The following DAZAP2 variants were observed in gnomAD, a reference collection of about 807,000 sequenced individuals.
DAZAP2 encodes the protein DAZ associated protein 2.
In DAZAP2, 3 loss-of-function variants were observed where a neutral mutation model predicts 16.2. The observed-to-expected ratio is 0.19, with a 90% CI of 0.08 to 0.48. The LOEUF (loss-of-function observed/expected upper bound fraction) is 0.48, where lower values mean the gene tolerates loss of function less well. Ranked by LOEUF, DAZAP2 falls within the 20% of genes least tolerant of loss-of-function variation. The pLI, the probability that DAZAP2 is intolerant of heterozygous loss-of-function variation, is 0.98. For missense variants in DAZAP2, 172 were observed against 215.9 expected (o/e 0.80, Z 1.27); for synonymous variants, 69 against 77.6 (o/e 0.89, Z 0.58).
rs781468910 is a variant in DAZAP2 at position 51,240,406 on chromosome 12, C to T, written c.77C>T (p.Thr26Ile). The T allele has an allele frequency of 6.2e-7, 1 of 1,614,140 alleles. No individual in the cohort carries two copies. The highest frequency in any genetic ancestry group is 1.7e-5 in the Admixed American group (1 of 60,012). The change falls in exon 2 of 4, where the codon ACC becomes ATC. Residue 26 changes from threonine (T) to isoleucine (I), a missense_variant. Coordinates refer to ENST00000412716, the MANE Select transcript of DAZAP2 (RefSeq NM_014764.4). ...CCTGGGAATCCAGTATACCCTCAGA[C>T]CTTGCATCTTCCTCAGGCTCCACCC... is the stretch of plus-strand genomic sequence containing the variant. ...QPPGNPVYPQ[T>I]LHLPQAPPYT...
chr12:51,240,127 G>A, intron 1 of DAZAP2: 1 of 566,742 alleles, frequency 1.8e-6, no homozygotes, highest in African/African-American at 1.9e-5. Flanking sequence ...GGAGCAGTGA[G>A]CAGTGCCTTT....
At chr12:51,244,268 C>T (rs139470954), downstream of DAZAP2, among the ~76,000 whole-genome samples, 1 of 152,284 alleles carries the variant, frequency 6.6e-6, no homozygotes, top group East Asian at 1.9e-4. Context: ...GCAGTGTCTG[C>T]TCACTGCAAC....
chr12:51,246,639 T>TGTG, downstream of DAZAP2: 16 of 626,218 alleles, frequency 2.6e-5, no homozygotes. Context: ...TGTGTGTGTG[T>TGTG]AATATAACTT....
chr12:51,242,641 G>A lies in DAZAP2; in HGVS notation c.*183G>A. 1.3e-6 allele frequency: 2 copies of A among 1,553,414 alleles called. No homozygotes were observed. Among genetic ancestry groups the A allele is most frequent in the South Asian group, 1.2e-5 (1 of 85,098 alleles). On this transcript the variant is annotated 3_prime_UTR_variant, in exon 4 of 4. Coordinates refer to ENST00000412716, the MANE Select transcript of DAZAP2 (RefSeq NM_014764.4). ...AATAAGGAACCATGTAATGGTAGCA[G>A]TACCTCCCTAAAGCATTTTGAGGTA...
intron 1 of DAZAP2, 49 bp downstream of exon 1, chr12:51,238,969 A>C: frequency 6.2e-7 from 1 of 1,608,208 alleles, no homozygotes; most frequent in Non-Finnish European, 8.5e-7. Flanking sequence ...CTGCTGGCCC[A>C]GAGCGAGCGG....
At chr12:51,245,708 C>G, downstream of DAZAP2, 1 of 477,502 alleles carries the variant, frequency 2.1e-6, no homozygotes, top group Non-Finnish European at 3.8e-6. Context: ...TGGCCAGTCA[C>G]AAACACCAGC....
At chr12:51,244,563 A>C (rs1271864780), downstream of DAZAP2, 3 of 152,228 alleles carry the variant, frequency 2.0e-5, no homozygotes, top group Non-Finnish European at 2.9e-5. Context: ...ATACATTAAG[A>C]CTTCAAAGGA....
In DAZAP2 at chr12:51,243,856, C is replaced by A. The variant is rs184668320; in HGVS notation, c.*1398C>A. On this transcript the variant is annotated 3_prime_UTR_variant, in exon 4 of 4. Coordinates refer to ENST00000412716, the MANE Select transcript of DAZAP2 (RefSeq NM_014764.4). ...TATATATATTTTATTTATATCCCAT[C>A]TAGAATTCAGCTAGGTGCTGCTGCT... 5 of 985,370 alleles carry A rather than the reference C, an allele frequency of 5.1e-6. No individual in the cohort carries two copies. The East Asian group carries it at 5.7e-4, about 112-fold the overall frequency. The allele number at this position is 985,370 out of a possible 1,614,324, so 61.0% of individuals were successfully genotyped here. A position where few individuals can be genotyped will look rare whatever the true frequency, so the allele number is the denominator to read the frequency against.
Position 51,240,884 on chromosome 12 carries a change from G to C in DAZAP2, c.146G>C (p.Ser49Thr), listed in dbSNP as rs779294767. 26 of 1,613,854 alleles carry C rather than the reference G, an allele frequency of 1.6e-5. No individual in the cohort carries two copies. The South Asian group carries it at 2.3e-4, about 14-fold the overall frequency. The stretch of plus-strand genomic sequence containing the variant: ...TGCCTCTTCTAGCTCTATCGTCCGA[G>C]CTTTGTGCACCCAGGGGCTGCCACA... ...PPAYSELYRP[S>T]FVHPGAATVP... The change falls in exon 3 of 4, where the codon AGC becomes ACC. Residue 49 changes from serine (S) to threonine (T), a missense_variant. Physicochemically the swap from Ser to Thr is moderately conservative, Grantham distance 58. Transcript: ENST00000412716.
intron 1 of DAZAP2, 64 bp downstream of exon 1, chr12:51,238,984 G>C (rs1944605405): frequency 1.9e-6 from 3 of 1,599,516 alleles, no homozygotes; most frequent in South Asian, 1.1e-5. Flanking sequence ...GAGCGGATTC[G>C]GAGCCCAGGG....
At chr12:51,240,680 G>A (rs550202015) in intron 2 of DAZAP2, 191 bp from the exon 3 acceptor site, 7 of 892,648 alleles carry the variant, frequency 7.8e-6, no homozygotes, top group East Asian at 2.6e-5. Flanking sequence ...ATGAATTTGC[G>A]TTCTGTGAGC....
downstream of DAZAP2, chr12:51,246,075 A>C (rs1319016014): frequency 1.2e-6 from 2 of 1,613,878 alleles, no homozygotes; most frequent in African/African-American, 2.7e-5. Flanking sequence ...AAGAAGATCA[A>C]GATCACGACC....
rs1944601223 is a variant in DAZAP2 at position 51,238,880 on chromosome 12, G to A, written c.-28G>A. ...GACGAAAAAAATAACCGTCCGCGAC[G>A]CCGAGACAAACCGGACCCGCAACCA... is the stretch of plus-strand genomic sequence containing the variant. On this transcript the variant is annotated 5_prime_UTR_variant, in exon 1 of 4. Transcript: ENST00000412716. The A allele has an allele frequency of 1.2e-6, 2 of 1,613,164 alleles. No homozygotes were observed. Among genetic ancestry groups the A allele is most frequent in the East Asian group, 2.2e-5 (1 of 44,858 alleles).
At chr12:51,242,103 T>C (rs1305684224) in intron 3 of DAZAP2, among the ~76,000 whole-genome samples, 1 of 152,110 alleles carries the variant, frequency 6.6e-6, no homozygotes, top group Non-Finnish European at 1.5e-5. Flanking sequence ...GGCTTCATCT[T>C]AGAGCTGGAA....
In DAZAP2 at chr12:51,238,927, A is replaced by G. The variant is rs1944602933; in HGVS notation, c.13+7A>G. ...ACCACCATGAACAGCAAAGGCAAGG[A>G]CCGAGGGTGGCAGAGGCCGTCGGGG... On this transcript the variant is annotated splice_region_variant and intron_variant, in intron 1 of 3. Transcript: ENST00000412716. 4 of 1,613,088 alleles carry G rather than the reference A, an allele frequency of 2.5e-6. No homozygotes were observed. Among genetic ancestry groups the G allele is most frequent in the Admixed American group, 1.7e-5 (1 of 59,928 alleles).
chr12:51,243,758 T>C lies in DAZAP2; in HGVS notation c.*1300T>C. On this transcript the variant is annotated 3_prime_UTR_variant, in exon 4 of 4. Coordinates refer to ENST00000412716, the MANE Select transcript of DAZAP2 (RefSeq NM_014764.4). ...GTAGAATAAAGACTATTTTGAAGAT[T>C]TGAATAAAGTGATGAAGTTGCATTA... is the stretch of plus-strand genomic sequence containing the variant. The C allele has an allele frequency of 7.1e-6, 7 of 985,748 alleles. No individual in the cohort carries two copies. The highest frequency in any genetic ancestry group is 8.4e-6 in the Non-Finnish European group (7 of 829,834). 61.1% of individuals were successfully genotyped at this position (985,748 alleles called of 1,614,324 possible).
chr12:51,240,982 C>G lies in DAZAP2; in HGVS notation c.244C>G (p.Pro82Ala), dbSNP rs1592226695. Residue 82 changes from proline to alanine, a missense_variant, in exon 3 of 4, where the codon CCT (proline) becomes GCT (alanine). Pro to Ala is a conservative substitution (Grantham distance 27). Transcript: ENST00000412716. The stretch of plus-strand genomic sequence containing the variant: ...CATGGCCCAGTCTGTGGCTGTTGGG[C>G]CTTTAGGTTCCACAATCCCCATGGC... ...LPMAQSVAVG[P>A]LGSTIPMAYY... 1 of 1,614,116 alleles carries G rather than the reference C, an allele frequency of 6.2e-7. No homozygotes were observed. The highest frequency in any genetic ancestry group is 8.5e-7 in the Non-Finnish European group (1 of 1,180,034).
At chr12:51,240,688 A>G (rs780066192) in intron 2 of DAZAP2, 183 bp from the exon 3 acceptor site, 10 of 917,482 alleles carry the variant, frequency 1.1e-5, no homozygotes, top group Non-Finnish European at 1.6e-5. Context: ...GCGTTCTGTG[A>G]GCCCAACATT....
In DAZAP2 at chr12:51,241,563, TC is replaced by T. The variant is rs1441145051; in HGVS notation, c.378+451del. ...TAGTTATCATTTTTTCCTACTTAAT[TC>T]CCCAGTGCGTGGGATTTAGAGCTCA... On this transcript the variant is annotated intron_variant, in intron 3 of 3. Transcript: ENST00000412716. Among the ~76,000 whole-genome samples the T allele has an allele frequency of 3.7e-3, 566 of 152,320 alleles. 3 individuals are homozygous for T. The highest frequency in any genetic ancestry group is 0.013 in the African/African-American group (529 of 41,572).
Sources: gnomAD v4.1 joint callset for allele counts (sites outside exome capture counted in the v4.1 genomes callset) on GRCh38, gnomAD v4.1.1 for gene constraint, MANE v1.5 for transcripts, NCBI Gene and HGNC (gene_info 2026-07-23, HGNC 2026-07-21) for gene names.